Variants in VEPH1 observed in about 807,000 individuals in gnomAD.
VEPH1 encodes ventricular zone expressed PH domain containing 1.
In VEPH1, 80 loss-of-function variants were observed where a neutral mutation model predicts 85.2. The observed-to-expected ratio is 0.94, with a 90% CI of 0.78 to 1.13. VEPH1 has a LOEUF of 1.13. Among genes scored for constraint, VEPH1 ranks in the 50% most tolerant of loss-of-function variants. The pLI, the probability that VEPH1 is intolerant of heterozygous loss-of-function variation, is 0.00. For missense variants in VEPH1, 955 were observed against 980.5 expected (o/e 0.97, Z 0.35); for synonymous variants, 297 against 348.0 (o/e 0.85, Z 1.63).
rs117744805 is a variant in VEPH1 at position 157,353,405 on chromosome 3, C to T, written c.1735+9959G>A. 3.9e-4 allele frequency among the ~76,000 whole-genome samples: 59 copies of T among 152,164 alleles called. No individual in the cohort carries two copies. In the East Asian group the frequency reaches 0.01, roughly 26 times the overall value. Reference sequence around the variant, plus strand: ...ATCTCAGCCTCCTGAGAAGCTGCGACCAGAGGCATGCCACCATTCCTAGCT... The same window carrying T: ...ATCTCAGCCTCCTGAGAAGCTGCGATCAGAGGCATGCCACCATTCCTAGCT... On this transcript the variant is annotated intron_variant, in intron 9 of 13. Transcript: ENST00000362010.
At chr3:157,454,150 T>C (rs948112200) in intron 4 of VEPH1, among the ~76,000 whole-genome samples, 4 of 152,278 alleles carry the variant, frequency 2.6e-5, no homozygotes, top group East Asian at 1.9e-4. Context: ...TAAATTCCTA[T>C]AAAATTTGTT....
At chr3:157,357,641 T>C (rs1725593043) in intron 9 of VEPH1, among the ~76,000 whole-genome samples, 1 of 152,058 alleles carries the variant, frequency 6.6e-6, no homozygotes, top group South Asian at 2.1e-4. Flanking sequence ...TGCAGGCGCG[T>C]GCTACCACGC....
At chr3:157,412,770 C>T (rs1285273039) in intron 6 of VEPH1, among the ~76,000 whole-genome samples, 1 of 152,100 alleles carries the variant, frequency 6.6e-6, no homozygotes, top group Non-Finnish European at 1.5e-5. Context: ...TCAGTTCTCC[C>T]GCCCTCCTCT....
chr3:157,344,355 A>G (rs1723952237), intron 9 of VEPH1, among the ~76,000 whole-genome samples: 2 of 152,248 alleles, frequency 1.3e-5, no homozygotes, highest in South Asian at 4.1e-4. Flanking sequence ...TCAATGTGCA[A>G]AAATCACAAG....
At chr3:157,489,228 C>A in intron 2 of VEPH1, 1 of 455,890 alleles carries the variant, frequency 2.2e-6, no homozygotes, top group South Asian at 1.6e-5. Flanking sequence ...CAGTGGCTGC[C>A]CAAGACTCCA....
chr3:157,283,176 C>T lies in VEPH1; in HGVS notation c.2128+3381G>A, dbSNP rs183253291. ...ATTATAACATTACTGAATGATTGCT[C>T]TTGAAATTTCCAATATTTCATGTCC... On this transcript the variant is annotated intron_variant, in intron 12 of 13. Coordinates refer to ENST00000362010, the MANE Select transcript of VEPH1 (RefSeq NM_001167912.2). 6.7e-4 allele frequency among the ~76,000 whole-genome samples: 102 copies of T among 152,262 alleles called. 1 individual carries two copies. The South Asian group carries it at 0.014, about 20-fold the overall frequency.
intron 9 of VEPH1, among the ~76,000 whole-genome samples, chr3:157,321,646 G>T (rs1470875080): frequency 6.6e-6 from 1 of 152,142 alleles, no homozygotes; most frequent in Admixed American, 6.5e-5. Flanking sequence ...TCAAAAAGAA[G>T]TATAATTCAA....
At chr3:157,431,234 G>A (rs917143909) in intron 4 of VEPH1, among the ~76,000 whole-genome samples, 3 of 152,170 alleles carry the variant, frequency 2.0e-5, no homozygotes, top group Non-Finnish European at 2.9e-5. Flanking sequence ...CGCCAGGATT[G>A]TAAGTTTCCT....
intron 5 of VEPH1, among the ~76,000 whole-genome samples, chr3:157,422,096 T>C (rs1732388775): frequency 6.6e-6 from 1 of 152,190 alleles, no homozygotes; most frequent in Non-Finnish European, 1.5e-5. Context: ...CTTTAGTGTG[T>C]TGAGGTCAAA....
At chr3:157,379,890 AAGT>A (rs1216291983) in intron 7 of VEPH1, among the ~76,000 whole-genome samples, 1 of 152,144 alleles carries the variant, frequency 6.6e-6, no homozygotes, top group Non-Finnish European at 1.5e-5. Flanking sequence ...TTCTTCTATA[AAGT>A]AGGAGTAAGT....
At chr3:157,485,108 T>C (rs144318723) in intron 2 of VEPH1, among the ~76,000 whole-genome samples, 105 of 152,322 alleles carry the variant, frequency 6.9e-4, no homozygotes, top group African/African-American at 2.5e-3. Context: ...CCCCCAATGA[T>C]TGGTTAACTA....
chr3:157,351,440 C>T lies in VEPH1; in HGVS notation c.1735+11924G>A, dbSNP rs148721168. Among the ~76,000 whole-genome samples the T allele has an allele frequency of 6.9e-3, 1,056 of 152,160 alleles. 19 individuals are homozygous for T. The highest frequency in any genetic ancestry group is 0.024 in the African/African-American group (988 of 41,540). On this transcript the variant is annotated intron_variant, in intron 9 of 13. Coordinates refer to ENST00000362010, the MANE Select transcript of VEPH1 (RefSeq NM_001167912.2). ...AACTCCTGGCCTCAAGCAATCCACCCGCCTTGGCCTCCCAAAGTGCTGGGA... is the reference window on the plus strand; with the variant it reads ...AACTCCTGGCCTCAAGCAATCCACCTGCCTTGGCCTCCCAAAGTGCTGGGA...
intron 4 of VEPH1, among the ~76,000 whole-genome samples, chr3:157,454,306 T>C (rs577183569): frequency 6.6e-6 from 1 of 152,294 alleles, no homozygotes; most frequent in Non-Finnish European, 1.5e-5. Flanking sequence ...GTATTATTAA[T>C]GACAAATCTT....
chr3:157,366,312 C>T (rs905519621), intron 7 of VEPH1, among the ~76,000 whole-genome samples: 2 of 151,726 alleles, frequency 1.3e-5, no homozygotes, highest in Admixed American at 6.6e-5. Flanking sequence ...AGGAAAGGGC[C>T]CAGACTTAGA....
In VEPH1 at chr3:157,399,171, A is replaced by G. The variant is rs535133881; in HGVS notation, c.906+14710T>C. On this transcript the variant is annotated intron_variant, in intron 6 of 13. Coordinates refer to ENST00000362010, the MANE Select transcript of VEPH1 (RefSeq NM_001167912.2). ...AATTTTAGAAGCTATATAGCCCTTT[A>G]ATTTTTCCCAGTTAATTTATATTGA... 3.3e-5 allele frequency among the ~76,000 whole-genome samples: 5 copies of G among 152,328 alleles called. No individual in the cohort carries two copies. In the East Asian group the frequency reaches 9.6e-4, roughly 29 times the overall value.
chr3:157,272,303 T>TTCC (rs1714701249), intron 12 of VEPH1, among the ~76,000 whole-genome samples: 1 of 149,414 alleles, frequency 6.7e-6, no homozygotes, highest in Non-Finnish European at 1.5e-5. Context: ...CTTCCCTTCC[T>TTCC]CTCTCTCTCT....
intron 5 of VEPH1, among the ~76,000 whole-genome samples, chr3:157,426,986 T>A (rs1042578696): frequency 6.6e-6 from 1 of 151,396 alleles, no homozygotes; most frequent in Non-Finnish European, 1.5e-5. Flanking sequence ...TTTTCTTTTT[T>A]CTTTTCTTTT....
intron 2 of VEPH1, among the ~76,000 whole-genome samples, chr3:157,490,900 C>T (rs1332387485): frequency 1.3e-5 from 2 of 152,070 alleles, no homozygotes; most frequent in African/African-American, 2.4e-5. Context: ...AGAATGGATA[C>T]ATTGTAGCAC....
rs1367411841 is a variant in VEPH1 at position 157,456,686 on chromosome 3, G to A, written c.529+3495C>T. On this transcript the variant is annotated intron_variant, in intron 4 of 13. Coordinates refer to ENST00000362010, the MANE Select transcript of VEPH1 (RefSeq NM_001167912.2). ...TTTCAGAGATTAGATAGTTGTAGGT[G>A]TGTAGCCTTATTTCTGGTTCTCTAT... Among the ~76,000 whole-genome samples the A allele has an allele frequency of 6.6e-5, 10 of 152,148 alleles. No individual in the cohort carries two copies. In the East Asian group the frequency reaches 1.9e-3, roughly 29 times the overall value.
Sources: gnomAD v4.1 joint callset for allele counts (sites outside exome capture counted in the v4.1 genomes callset) on GRCh38, gnomAD v4.1.1 for gene constraint, MANE v1.5 for transcripts, NCBI Gene and HGNC (gene_info 2026-07-23, HGNC 2026-07-21) for gene names.